The following CCDC178 variants were observed in gnomAD, a reference collection of about 807,000 sequenced individuals.
The protein encoded by CCDC178 is coiled-coil domain-containing protein 178.
A neutral mutation model predicts 117.4 loss-of-function variants in CCDC178; 126 were observed. The observed-to-expected ratio is 1.07, with a 90% CI of 0.93 to 1.24. CCDC178 has a LOEUF of 1.24. Ranked by LOEUF, CCDC178 falls within the 50% of genes most tolerant of loss-of-function variation. The pLI is 0.00. For synonymous variants in CCDC178, 283 were observed against 313.4 expected (o/e 0.90, Z 1.02); for missense variants, 1,030 against 986.9 (o/e 1.04, Z -0.59).
At chr18:33,413,634 T>C (rs928813444) in intron 2 of CCDC178, among the ~76,000 whole-genome samples, 2 of 152,148 alleles carry the variant, frequency 1.3e-5, no homozygotes, top group Non-Finnish European at 2.9e-5. Context: ...GAATACCTAG[T>C]TCCAGATCTA....
At chr18:33,355,609 T>G (rs975267584) in intron 7 of CCDC178, among the ~76,000 whole-genome samples, 3 of 152,248 alleles carry the variant, frequency 2.0e-5, no homozygotes, top group African/African-American at 7.2e-5. Flanking sequence ...TCCAGTATAT[T>G]GAGAGATTTT....
intron 12 of CCDC178, among the ~76,000 whole-genome samples, chr18:33,286,267 G>A (rs988348440): frequency 1.3e-5 from 2 of 151,912 alleles, no homozygotes; most frequent in African/African-American, 4.8e-5. Flanking sequence ...GAGCCACCAC[G>A]CCTGGCCAGC....
chr18:33,062,226 G>T (rs1468878463), intron 21 of CCDC178, among the ~76,000 whole-genome samples: 1 of 152,110 alleles, frequency 6.6e-6, no homozygotes. Flanking sequence ...TTTGGACAAA[G>T]GCCTTTGGGA....
chr18:33,417,991 C>G (rs141378575), intron 2 of CCDC178, among the ~76,000 whole-genome samples: 1 of 152,190 alleles, frequency 6.6e-6, no homozygotes, highest in African/African-American at 2.4e-5. Flanking sequence ...TAGACTCATT[C>G]TATTAGGCCA....
At chr18:32,963,553 T>A (rs960954740) in intron 22 of CCDC178, among the ~76,000 whole-genome samples, 1 of 152,038 alleles carries the variant, frequency 6.6e-6, no homozygotes, top group African/African-American at 2.4e-5. Context: ...AATATAAAAT[T>A]GTTAGTAATT....
intron 11 of CCDC178, among the ~76,000 whole-genome samples, chr18:33,315,937 T>C (rs1470828344): frequency 6.6e-6 from 1 of 152,230 alleles, no homozygotes; most frequent in African/African-American, 2.4e-5. Flanking sequence ...TCACAAACCC[T>C]TGTAGCAGAG....
intron 22 of CCDC178, among the ~76,000 whole-genome samples, chr18:32,960,384 A>G (rs929573686): frequency 5.3e-5 from 8 of 152,150 alleles, no homozygotes; most frequent in Non-Finnish European, 1.0e-4. Context: ...GAGGTGAAAT[A>G]GGAAATTAGA....
intron 4 of CCDC178, 62 bp from the exon 5 acceptor site, chr18:33,389,691 A>G (rs1230676130): frequency 5.2e-6 from 4 of 762,092 alleles, no homozygotes; most frequent in Non-Finnish European, 2.0e-6. Context: ...ATTTTAAAAT[A>G]AGCACCACCA....
chr18:33,429,241 A>G (rs1568221229), intron 2 of CCDC178, among the ~76,000 whole-genome samples: 1 of 152,160 alleles, frequency 6.6e-6, no homozygotes, highest in Non-Finnish European at 1.5e-5. Flanking sequence ...AAAATGAAAT[A>G]TCCAAACAGA....
chr18:33,237,244 T>C (rs1160333218), intron 15 of CCDC178, among the ~76,000 whole-genome samples: 1 of 152,190 alleles, frequency 6.6e-6, no homozygotes, highest in Non-Finnish European at 1.5e-5. Context: ...GGATTGGCTG[T>C]GACTCTGGTC....
chr18:33,379,857 G>C (rs1026161148), intron 5 of CCDC178, among the ~76,000 whole-genome samples: 4 of 152,130 alleles, frequency 2.6e-5, no homozygotes, highest in Admixed American at 2.6e-4. Flanking sequence ...AGAGTAGTGA[G>C]AGCCCTACTG....
At chr18:33,432,286 T>C (rs1315968191) in intron 2 of CCDC178, among the ~76,000 whole-genome samples, 2 of 147,800 alleles carry the variant, frequency 1.4e-5, no homozygotes. Context: ...TAGAGAAAAA[T>C]CTTAAGTGTG....
At chr18:33,294,175 T>C (rs1327582757) in intron 11 of CCDC178, among the ~76,000 whole-genome samples, 1 of 152,182 alleles carries the variant, frequency 6.6e-6, no homozygotes, top group African/African-American at 2.4e-5. Flanking sequence ...CAATCCTTTA[T>C]CTAATCTAGC....
intron 15 of CCDC178, among the ~76,000 whole-genome samples, chr18:33,242,771 A>T (rs1010247300): frequency 6.6e-6 from 1 of 151,916 alleles, no homozygotes; most frequent in African/African-American, 2.4e-5. Context: ...TGCTGGTGAG[A>T]TGTGGAAAAA....
At chr18:33,218,901 G>C (rs1361363654) in intron 18 of CCDC178, among the ~76,000 whole-genome samples, 2 of 152,066 alleles carry the variant, frequency 1.3e-5, no homozygotes, top group African/African-American at 4.8e-5. Flanking sequence ...CTCTAGCTTT[G>C]CTCTTTTGGC....
intron 14 of CCDC178, among the ~76,000 whole-genome samples, chr18:33,251,761 C>T (rs2059620842): frequency 6.6e-6 from 1 of 151,550 alleles, no homozygotes; most frequent in South Asian, 2.1e-4. Context: ...TCTACTGCCC[C>T]CATATACTAT....
At chr18:33,306,498 T>C in intron 11 of CCDC178, among the ~76,000 whole-genome samples, 2 of 141,982 alleles carry the variant, frequency 1.4e-5, no homozygotes, top group African/African-American at 5.6e-5. Context: ...TGGTTATATA[T>C]ATATGGTTAT....
At chr18:32,966,324 G>T (rs950122721) in intron 22 of CCDC178, among the ~76,000 whole-genome samples, 2 of 151,710 alleles carry the variant, frequency 1.3e-5, no homozygotes, top group African/African-American at 2.4e-5. Flanking sequence ...TTTTGTAAAA[G>T]AATTTTTATT....
At chr18:33,411,973 G>T in intron 3 of CCDC178, 58 bp downstream of exon 3, 2 of 929,508 alleles carry the variant, frequency 2.2e-6, no homozygotes, top group Non-Finnish European at 3.3e-6. Flanking sequence ...TGTAAGTGAT[G>T]TGAATTCCAT....
Sources: gnomAD v4.1 joint callset for allele counts (sites outside exome capture counted in the v4.1 genomes callset) on GRCh38, gnomAD v4.1.1 for gene constraint, MANE v1.5 for transcripts, NCBI Gene and HGNC (gene_info 2026-07-23, HGNC 2026-07-21) for gene names.